Variants in SUCLG2 observed in about 807,000 individuals in gnomAD.
SUCLG2 encodes the protein succinate--CoA ligase [GDP-forming] subunit beta, mitochondrial.
In SUCLG2, 42 loss-of-function variants were observed where a neutral mutation model predicts 47.9. That is an observed-to-expected ratio of 0.88 (90% CI 0.69 to 1.14). The LOEUF is 1.14. Among genes scored for constraint, SUCLG2 ranks in the 50% most tolerant of loss-of-function variants. The probability of loss-of-function intolerance (pLI) is 0.00; values close to 1 mark genes in which losing one functional copy is unlikely to be tolerated. For missense variants in SUCLG2, 571 were observed against 525.9 expected (o/e 1.09, Z -0.84); for synonymous variants, 195 against 197.3 (o/e 0.99, Z 0.10).
intron 9 of SUCLG2, among the ~76,000 whole-genome samples, chr3:67,443,961 G>T (rs1473523575): frequency 1.3e-4 from 12 of 95,964 alleles, no homozygotes; most frequent in South Asian, 9.4e-4. Context: ...GAGGGAGGTG[G>T]GGGGGGGTCA....
intron 9 of SUCLG2, among the ~76,000 whole-genome samples, chr3:67,403,668 G>A (rs759242687): frequency 6.6e-6 from 1 of 152,038 alleles, no homozygotes; most frequent in Non-Finnish European, 1.5e-5. Flanking sequence ...GAGGATTTTT[G>A]GAATAGGTGA....
At chr3:67,605,857 C>T (rs953314324) in intron 2 of SUCLG2, among the ~76,000 whole-genome samples, 18 of 151,838 alleles carry the variant, frequency 1.2e-4, no homozygotes, top group African/African-American at 4.4e-4. Context: ...TTTTCCCTCC[C>T]TTGTCCCAGC....
Position 67,375,513 on chromosome 3 carries a change from A to G in SUCLG2, c.*231T>C. The stretch of plus-strand genomic sequence containing the variant: ...AACACTGCCTACTGGGCAGGCTTAC[A>G]GTGACAGAAAAGTATGAGAACACAA... On this transcript the variant is annotated 3_prime_UTR_variant, in exon 11 of 11. Transcript: ENST00000307227. 1 of 1,272,856 alleles carries G rather than the reference A, an allele frequency of 7.9e-7. No individual in the cohort carries two copies. Among genetic ancestry groups the G allele is most frequent in the Non-Finnish European group, 9.9e-7 (1 of 1,005,476 alleles). 78.8% of individuals were successfully genotyped at this position (1,272,856 alleles called of 1,614,324 possible).
intron 1 of SUCLG2, among the ~76,000 whole-genome samples, chr3:67,628,632 T>C (rs1238327491): frequency 2.6e-5 from 4 of 152,202 alleles, no homozygotes; most frequent in Admixed American, 2.6e-4. Context: ...TTTCCCATGC[T>C]GTTTTCATGA....
At chr3:67,486,445 A>C (rs898992474) in intron 9 of SUCLG2, among the ~76,000 whole-genome samples, 3 of 152,216 alleles carry the variant, frequency 2.0e-5, no homozygotes, top group Admixed American at 1.3e-4. Flanking sequence ...TGAATTAGCA[A>C]ATACTCAACC....
intron 9 of SUCLG2, among the ~76,000 whole-genome samples, chr3:67,442,083 T>C (rs1479465293): frequency 3.5e-5 from 5 of 144,016 alleles, no homozygotes; most frequent in East Asian, 4.0e-4. Context: ...GGATCTCAGC[T>C]CACTGCAAGC....
chr3:67,430,177 C>T (rs1703438189), intron 9 of SUCLG2, among the ~76,000 whole-genome samples: 1 of 152,148 alleles, frequency 6.6e-6, no homozygotes, highest in South Asian at 2.1e-4. Flanking sequence ...TGCACTTATT[C>T]CAAAATTGAC....
At chr3:67,426,454 C>T (rs923407017) in intron 9 of SUCLG2, among the ~76,000 whole-genome samples, 25 of 152,244 alleles carry the variant, frequency 1.6e-4, no homozygotes, top group African/African-American at 5.8e-4. Context: ...GAGGACTCTT[C>T]CACAATTTAC....
At chr3:67,529,779 A>T (rs1467934802) in intron 2 of SUCLG2, among the ~76,000 whole-genome samples, 1 of 152,228 alleles carries the variant, frequency 6.6e-6, no homozygotes, top group Non-Finnish European at 1.5e-5. Context: ...AGGTAACAAA[A>T]TATCCTGGGG....
intron 2 of SUCLG2, among the ~76,000 whole-genome samples, chr3:67,592,596 C>A (rs1708189673): frequency 6.6e-6 from 1 of 151,538 alleles, no homozygotes; most frequent in African/African-American, 2.4e-5. Context: ...AATATTAATT[C>A]AACCAGCATC....
chr3:67,414,974 G>A (rs1235017766), intron 9 of SUCLG2, among the ~76,000 whole-genome samples: 1 of 152,060 alleles, frequency 6.6e-6, no homozygotes, highest in Non-Finnish European at 1.5e-5. Flanking sequence ...CACCTCAGCC[G>A]CCTGAGAAGC....
At chr3:67,605,403 C>T (rs115443728) in intron 2 of SUCLG2, among the ~76,000 whole-genome samples, 2,464 of 152,182 alleles carry the variant, frequency 0.016, 61 homozygotes, top group African/African-American at 0.057. Flanking sequence ...CACTTTTAAC[C>T]AACTAGAATT....
In SUCLG2 at chr3:67,518,295, A is replaced by G. The variant is rs1398164337; in HGVS notation, c.612T>C (p.Ala204=). 1 of 1,612,894 alleles carries G rather than the reference A, an allele frequency of 6.2e-7. No homozygotes were observed. Among genetic ancestry groups the G allele is most frequent in the Non-Finnish European group, 8.5e-7 (1 of 1,179,286 alleles). ...AGCCTAGATTTTCGGCCATCCGCTG[A>G]GCTTGGCTGTCCTTTATTCCTTCAA... is the stretch of plus-strand genomic sequence containing the variant. ...DIFEGIKDSQ[A]QRMAENLGFV... Residue 204 remains alanine, a synonymous_variant, in exon 6 of 11, where the codon GCT becomes GCC. Transcript: ENST00000307227.
At chr3:67,461,854 A>T (rs529680046) in intron 9 of SUCLG2, among the ~76,000 whole-genome samples, 2 of 152,170 alleles carry the variant, frequency 1.3e-5, no homozygotes, top group East Asian at 3.9e-4. Flanking sequence ...GGAGAAAGGG[A>T]TAACAGGCAG....
intron 9 of SUCLG2, among the ~76,000 whole-genome samples, chr3:67,422,498 A>AAAAAAAAAAAAAAAC: frequency 6.8e-6 from 1 of 147,076 alleles, no homozygotes; most frequent in African/African-American, 2.5e-5. Flanking sequence ...AAAAAAAAAA[A>AAAAAAAAAAAAAAAC]AAAAAGAACA....
chr3:67,598,979 G>A (rs1045697424), intron 2 of SUCLG2, among the ~76,000 whole-genome samples: 2 of 152,190 alleles, frequency 1.3e-5, no homozygotes, highest in East Asian at 1.9e-4. Context: ...CACTGAAGAG[G>A]TGATAAGATG....
rs555430062 is a variant in SUCLG2, at chr3:67,451,595, T to C, written c.1062+44203A>G. 1.1e-3 allele frequency among the ~76,000 whole-genome samples: 171 copies of C among 152,188 alleles called. 4 individuals are homozygous for C. Among genetic ancestry groups the C allele is most frequent in the African/African-American group, 4.0e-3 (166 of 41,526 alleles). ...TTGAGTTCTTCAGCTCAATCATCAA[T>C]GGAAGGATATTCTACCACAATGACT... is the stretch of plus-strand genomic sequence containing the variant. On this transcript the variant is annotated intron_variant, in intron 9 of 10. Coordinates refer to ENST00000307227, the MANE Select transcript of SUCLG2 (RefSeq NM_003848.4).
At chr3:67,361,661 A>T (rs1203931613) in intron 10 of SUCLG2, among the ~76,000 whole-genome samples, 1 of 152,222 alleles carries the variant, frequency 6.6e-6, no homozygotes, top group Non-Finnish European at 1.5e-5. Context: ...TATTAGATAG[A>T]TTGCATTAAC....
chr3:67,470,572 G>A (rs1349161608), intron 9 of SUCLG2, among the ~76,000 whole-genome samples: 2 of 152,142 alleles, frequency 1.3e-5, no homozygotes, highest in African/African-American at 4.8e-5. Flanking sequence ...GCTGGAGTGG[G>A]CTCCTGATAA....
Sources: gnomAD v4.1 joint callset for allele counts (sites outside exome capture counted in the v4.1 genomes callset) on GRCh38, gnomAD v4.1.1 for gene constraint, MANE v1.5 for transcripts, NCBI Gene and HGNC (gene_info 2026-07-23, HGNC 2026-07-21) for gene names.